ZNF814: variants seen among roughly 807,000 people sequenced by gnomAD.
ZNF814 encodes zinc finger protein 814.
Under a neutral mutation model 7.5 loss-of-function variants are expected in ZNF814, and 5 were observed. The observed-to-expected ratio is 0.67, with a 90% CI of 0.35 to 1.40. ZNF814 has a LOEUF of 1.40. Ranked by LOEUF, ZNF814 falls within the 40% of genes most tolerant of loss-of-function variation. The pLI, the probability that ZNF814 is intolerant of heterozygous loss-of-function variation, is 0.04. For missense variants in ZNF814, 962 were observed against 1,018.0 expected, an observed-to-expected ratio of 0.94 and a Z score of 0.75; for synonymous variants, 315 against 340.7, an observed-to-expected ratio of 0.92 and a Z score of 0.83.
At chr19:57,878,934 C>T (rs2071631372) in intron 1 of ZNF814, among the ~76,000 whole-genome samples, 1 of 152,048 alleles carries the variant, frequency 6.6e-6, no homozygotes, top group Non-Finnish European at 1.5e-5. Context: ...CACACATACA[C>T]ATGCACACAA....
intron 1 of ZNF814, among the ~76,000 whole-genome samples, chr19:57,885,408 A>G (rs2071682814): frequency 6.6e-6 from 1 of 151,876 alleles, no homozygotes; most frequent in Non-Finnish European, 1.5e-5. Context: ...AGGTGGGTGG[A>G]TCATGAGGTC....
the ZNF814 span, among the ~76,000 whole-genome samples, chr19:57,900,135 C>T: frequency 6.6e-6 from 1 of 152,060 alleles, no homozygotes; most frequent in Admixed American, 6.6e-5. Context: ...ATGGATAAGC[C>T]TCATTTGTGG....
At chr19:57,880,352 C>T (rs2071642162) in intron 1 of ZNF814, among the ~76,000 whole-genome samples, 1 of 137,320 alleles carries the variant, frequency 7.3e-6, no homozygotes, top group Non-Finnish European at 1.5e-5. Context: ...GAAGTAACAT[C>T]ACCTCCCCAC....
At chr19:57,905,047 CAAAAAAAAA>C in the ZNF814 span, among the ~76,000 whole-genome samples, 1 of 53,430 alleles carries the variant, frequency 1.9e-5, no homozygotes, top group African/African-American at 8.7e-5. Flanking sequence ...AACTCCGTCT[CAAAAAAAAA>C]AAAAAAAAAA....
intron 1 of ZNF814, among the ~76,000 whole-genome samples, chr19:57,885,695 G>T (rs957129965): frequency 6.7e-6 from 1 of 149,546 alleles, no homozygotes; most frequent in Non-Finnish European, 1.5e-5. Flanking sequence ...TAGAAAAAGA[G>T]AATAAGACCT....
upstream of ZNF814, among the ~76,000 whole-genome samples, chr19:57,893,725 C>G (rs2071744167): frequency 6.6e-6 from 1 of 151,616 alleles, no homozygotes; most frequent in Non-Finnish European, 1.5e-5. Flanking sequence ...TCGAGACCAA[C>G]CTGGCCAACA....
the ZNF814 span, among the ~76,000 whole-genome samples, chr19:57,900,987 CA>C: frequency 1.3e-5 from 2 of 151,768 alleles, no homozygotes; most frequent in Admixed American, 1.3e-4. Context: ...GCTGGGACTA[CA>C]GGCACCCGCC....
At chr19:57,877,068 T>C (rs775126633) in intron 1 of ZNF814, 26 bp from the exon 2 acceptor site, 26 of 1,612,870 alleles carry the variant, frequency 1.6e-5, no homozygotes, top group South Asian at 5.5e-5. Context: ...CAGATGAAAC[T>C]ACAAACTGCC....
chr19:57,895,303 T>A, the ZNF814 span, among the ~76,000 whole-genome samples: 2 of 150,344 alleles, frequency 1.3e-5, no homozygotes, highest in East Asian at 3.9e-4. Context: ...TGAGATGAAG[T>A]CTCACTCTGT....
the ZNF814 span, among the ~76,000 whole-genome samples, chr19:57,898,610 G>C: frequency 6.6e-6 from 1 of 152,160 alleles, no homozygotes; most frequent in Admixed American, 6.5e-5. Flanking sequence ...GGGACACATA[G>C]AGCCTACTTT....
the ZNF814 span, among the ~76,000 whole-genome samples, chr19:57,894,601 G>A: frequency 6.6e-6 from 1 of 151,660 alleles, no homozygotes; most frequent in Non-Finnish European, 1.5e-5. Context: ...AGGCTGAGAC[G>A]GGCAGATCAC....
chr19:57,898,895 G>A, the ZNF814 span, among the ~76,000 whole-genome samples: 10 of 149,648 alleles, frequency 6.7e-5, no homozygotes, highest in Non-Finnish European at 1.3e-4. Flanking sequence ...AGCTGAGATC[G>A]TGCCACTGCA....
the ZNF814 span, among the ~76,000 whole-genome samples, chr19:57,896,437 C>T: frequency 7.2e-5 from 11 of 152,344 alleles, no homozygotes; most frequent in South Asian, 1.9e-3. The surrounding 1 kb of genome is among the most constrained non-coding windows in gnomAD (Gnocchi z 4.2). Context: ...ATCAGCTCCA[C>T]CTGCTGAATT....
chr19:57,884,557 G>A (rs2071674049), intron 1 of ZNF814, among the ~76,000 whole-genome samples: 2 of 152,192 alleles, frequency 1.3e-5, no homozygotes, highest in Non-Finnish European at 2.9e-5. Context: ...GGTCGAAGCT[G>A]CAGTGAGCCA....
At chr19:57,883,920 C>G (rs7408735) in intron 1 of ZNF814, among the ~76,000 whole-genome samples, 2 of 151,988 alleles carry the variant, frequency 1.3e-5, no homozygotes, top group African/African-American at 2.4e-5. Flanking sequence ...CCACACCCAG[C>G]TAATTTTTGT....
At chr19:57,904,124 C>T in the ZNF814 span, among the ~76,000 whole-genome samples, 1 of 152,184 alleles carries the variant, frequency 6.6e-6, no homozygotes, top group Admixed American at 6.5e-5. Flanking sequence ...GCACTTTGTT[C>T]TCCCAAGATC....
chr19:57,900,948 G>A, the ZNF814 span, among the ~76,000 whole-genome samples: 3 of 140,708 alleles, frequency 2.1e-5, no homozygotes, highest in Admixed American at 1.6e-4. Context: ...CCGGGTTCAC[G>A]CCATTCTCCT....
intron 1 of ZNF814, among the ~76,000 whole-genome samples, chr19:57,882,799 A>G (rs2071658925): frequency 6.6e-6 from 1 of 151,544 alleles, no homozygotes; most frequent in Non-Finnish European, 1.5e-5. Context: ...GGTACAAATG[A>G]GCCCAGACTG....
At chr19:57,875,943 C>CTTTTTTTTTTTTTTTTTTTT (rs567660556) in intron 2 of ZNF814, among the ~76,000 whole-genome samples, 2 of 71,436 alleles carry the variant, frequency 2.8e-5, no homozygotes, top group African/African-American at 5.1e-5. Flanking sequence ...CAGGGTGCCG[C>CTTTTTTTTTTTTTTTTTTTT]TTTTTTTTTT....
Sources: gnomAD v4.1 joint callset for allele counts (sites outside exome capture counted in the v4.1 genomes callset) on GRCh38, gnomAD v4.1.1 for gene constraint, Gnocchi (gnomAD v3.1) non-coding constraint, MANE v1.5 for transcripts, NCBI Gene and HGNC (gene_info 2026-07-23, HGNC 2026-07-21) for gene names.